The following OPCML variants were observed in gnomAD, a reference collection of about 807,000 sequenced individuals.
The protein encoded by OPCML is opioid-binding protein/cell adhesion molecule.
In OPCML, 13 loss-of-function variants were observed where a neutral mutation model predicts 37.8. The ratio of observed to expected loss-of-function variants is 0.34; its 90% CI spans 0.22 to 0.55. OPCML has a LOEUF of 0.55. OPCML is among the 20% of genes least tolerant of loss of function. The pLI, the probability that OPCML is intolerant of heterozygous loss-of-function variation, is 0.91. For synonymous variants in OPCML, 176 were observed against 168.8 expected (o/e 1.04, Z -0.33); for missense variants, 341 against 435.6 (o/e 0.78, Z 1.93).
intron 6 of OPCML, 134 bp from the exon 7 acceptor site, chr11:132,436,371 G>A (rs1397031893): frequency 2.6e-6 from 4 of 1,558,990 alleles, no homozygotes; most frequent in Non-Finnish European, 3.4e-6. Context: ...GAGGAGAAGG[G>A]AAATGATGCT....
At chr11:133,486,207 G>A (rs928183309) in intron 1 of OPCML, among the ~76,000 whole-genome samples, 1 of 152,162 alleles carries the variant, frequency 6.6e-6, no homozygotes, top group South Asian at 2.1e-4. Context: ...TTCACTAAGA[G>A]AATGTTTGTG....
chr11:132,761,229 C>CTTTTTTT (rs71067393), intron 2 of OPCML, among the ~76,000 whole-genome samples: 8 of 122,672 alleles, frequency 6.5e-5, no homozygotes, highest in Non-Finnish European at 1.0e-4. Context: ...CTGCGCTTAA[C>CTTTTTTT]TTTTTTTTTT....
chr11:132,498,190 T>C (rs1018038060), intron 4 of OPCML, among the ~76,000 whole-genome samples: 4 of 152,226 alleles, frequency 2.6e-5, no homozygotes, highest in African/African-American at 7.2e-5. Flanking sequence ...GGTGGTAACA[T>C]TACTTAAATT....
intron 3 of OPCML, among the ~76,000 whole-genome samples, chr11:132,654,453 TCTTCCCCAAGAGAAGCA>T (rs1477305964): frequency 6.6e-6 from 1 of 151,414 alleles, no homozygotes; most frequent in Non-Finnish European, 1.5e-5. Flanking sequence ...CAAAAGAAGA[TCTTCCCCAAGAGAAGCA>T]CTTCCCCAAG....
intron 2 of OPCML, among the ~76,000 whole-genome samples, chr11:132,678,897 T>C (rs1161793354): frequency 6.6e-6 from 1 of 152,062 alleles, no homozygotes; most frequent in Non-Finnish European, 1.5e-5. Flanking sequence ...TGATGATGTG[T>C]CATTGTAGGT....
At chr11:133,266,151 C>T (rs1034941667) in intron 1 of OPCML, among the ~76,000 whole-genome samples, 2 of 152,142 alleles carry the variant, frequency 1.3e-5, no homozygotes. Context: ...TAAAGAAATA[C>T]ACAAGGCAAT....
intron 1 of OPCML, among the ~76,000 whole-genome samples, chr11:132,966,754 T>C (rs1267011753): frequency 1.3e-5 from 2 of 152,128 alleles, no homozygotes; most frequent in African/African-American, 4.8e-5. Flanking sequence ...CTTATGTTTA[T>C]AATTTTTGTA....
chr11:133,225,970 G>A (rs183186688), intron 1 of OPCML, among the ~76,000 whole-genome samples: 8 of 152,232 alleles, frequency 5.3e-5, no homozygotes, highest in South Asian at 2.1e-4. Context: ...TATGAAGCAC[G>A]TATTATTAGG....
chr11:132,496,856 T>G (rs1229608387), intron 4 of OPCML, among the ~76,000 whole-genome samples: 4 of 152,180 alleles, frequency 2.6e-5, no homozygotes, highest in African/African-American at 9.7e-5. Flanking sequence ...AAGATCAGGA[T>G]AGGTTTGACG....
chr11:133,378,676 TTTTC>T (rs778751250), intron 1 of OPCML, among the ~76,000 whole-genome samples: 34 of 151,994 alleles, frequency 2.2e-4, no homozygotes, highest in South Asian at 6.2e-4. Flanking sequence ...CTTTCTTTTC[TTTTC>T]TTTCTTTCTT....
chr11:132,512,860 A>G (rs897883266), intron 4 of OPCML, among the ~76,000 whole-genome samples: 1 of 151,948 alleles, frequency 6.6e-6, no homozygotes, highest in Non-Finnish European at 1.5e-5. Context: ...AAGAATAAGA[A>G]ACAGGGAAGC....
At chr11:132,616,980 A>T (rs1027433568) in intron 3 of OPCML, among the ~76,000 whole-genome samples, 2 of 152,242 alleles carry the variant, frequency 1.3e-5, no homozygotes, top group Non-Finnish European at 1.5e-5. Flanking sequence ...TGGTGAGCAG[A>T]GACATTGACA....
At chr11:132,872,336 C>A (rs987561529) in intron 2 of OPCML, among the ~76,000 whole-genome samples, 5 of 152,180 alleles carry the variant, frequency 3.3e-5, no homozygotes, top group Non-Finnish European at 5.9e-5. Flanking sequence ...ATTTTCCAAG[C>A]AACCAGATGC....
chr11:132,445,164 T>C (rs1444259162), intron 4 of OPCML, among the ~76,000 whole-genome samples: 1 of 152,192 alleles, frequency 6.6e-6, no homozygotes, highest in African/African-American at 2.4e-5. Flanking sequence ...AATCACAAGA[T>C]CAATGTGTTA....
At chr11:132,724,399 C>T (rs779408518) in intron 2 of OPCML, among the ~76,000 whole-genome samples, 1 of 152,112 alleles carries the variant, frequency 6.6e-6, no homozygotes, top group African/African-American at 2.4e-5. Context: ...CATGAGATCT[C>T]GTGAGACTTA....
At chr11:132,924,655 C>T (rs1007600692) in intron 2 of OPCML, among the ~76,000 whole-genome samples, 1 of 152,124 alleles carries the variant, frequency 6.6e-6, no homozygotes, top group African/African-American at 2.4e-5. Context: ...TGTTTTTCCC[C>T]GCTAGTATCT....
Position 133,041,018 on chromosome 11 carries a change from A to G in OPCML, c.62-98008T>C, listed in dbSNP as rs143711443. 2.6e-3 allele frequency among the ~76,000 whole-genome samples: 393 copies of G among 152,320 alleles called. 2 individuals are homozygous for G. Among genetic ancestry groups the G allele is most frequent in the African/African-American group, 8.9e-3 (371 of 41,570 alleles). ...CTCGGACTATAAAAGGCTGAGAAATACTGCAAGTTAGCTGGAAAAAACTTT... is the reference window on the plus strand; with the variant it reads ...CTCGGACTATAAAAGGCTGAGAAATGCTGCAAGTTAGCTGGAAAAAACTTT... On this transcript the variant is annotated intron_variant, in intron 1 of 7. Coordinates refer to ENST00000524381, the MANE Select transcript of OPCML (RefSeq NM_001012393.5).
chr11:133,042,871 T>C (rs1947933148), intron 1 of OPCML, among the ~76,000 whole-genome samples: 1 of 152,152 alleles, frequency 6.6e-6, no homozygotes, highest in Non-Finnish European at 1.5e-5. Context: ...AGACGCCTCC[T>C]CTATTTTTGG....
At chr11:132,836,832 A>G (rs1941027482) in intron 2 of OPCML, among the ~76,000 whole-genome samples, 1 of 152,130 alleles carries the variant, frequency 6.6e-6, no homozygotes, top group Non-Finnish European at 1.5e-5. Flanking sequence ...TGGTGCTGTG[A>G]GTGTCGGGCA....
Sources: allele counts gnomAD v4.1 joint callset (sites outside exome capture counted in the v4.1 genomes callset), GRCh38; gene constraint gnomAD v4.1.1; transcripts MANE v1.5; gene names NCBI Gene and HGNC (gene_info 2026-07-23, HGNC 2026-07-21).